The following BLOC1S6 variants were observed in gnomAD, a reference collection of about 807,000 sequenced individuals.
BLOC1S6 encodes biogenesis of lysosome-related organelles complex 1 subunit 6.
Under a neutral mutation model 24.7 loss-of-function variants are expected in BLOC1S6, and 24 were observed. The observed-to-expected ratio is 0.97, with a 90% confidence interval of 0.70 to 1.37. BLOC1S6 has a LOEUF of 1.37. Among genes scored for constraint, BLOC1S6 ranks in the 40% most tolerant of loss-of-function variants. BLOC1S6 has a pLI of 0.00. For synonymous variants in BLOC1S6, 76 were observed against 72.6 expected (o/e 1.05, Z -0.23); for missense variants, 175 against 196.2 (o/e 0.89, Z 0.64).
intron 2 of BLOC1S6, among the ~76,000 whole-genome samples, chr15:45,593,535 T>C (rs1479869324): frequency 6.6e-6 from 1 of 152,176 alleles, no homozygotes; most frequent in Non-Finnish European, 1.5e-5. Flanking sequence ...CCTTATATTT[T>C]GATGCCAATC....
intron 2 of BLOC1S6, among the ~76,000 whole-genome samples, chr15:45,595,513 GTATATTTTTGATATGAGTCCTTTA>G (rs1894039935): frequency 6.6e-6 from 1 of 152,036 alleles, no homozygotes; most frequent in South Asian, 2.1e-4. Context: ...AGAGTTCTTT[GTATATTTTTGATATGAGTCCTTTA>G]TGTGTTTTGC....
rs1390384536 is a variant in BLOC1S6 at position 45,607,991 on chromosome 15, T to G, written c.*1477T>G. The stretch of plus-strand genomic sequence containing the variant: ...TCATTGTTTAAAATCAAGAGTGTAT[T>G]GTTTACTGTTTTACAGTATTATTTA... On this transcript the variant is annotated 3_prime_UTR_variant, in exon 5 of 5. Coordinates refer to ENST00000220531, the MANE Select transcript of BLOC1S6 (RefSeq NM_012388.4). 1 of 152,592 alleles carries G rather than the reference T, an allele frequency of 6.6e-6. No individual in the cohort carries two copies. Among genetic ancestry groups the G allele is most frequent in the Non-Finnish European group, 1.5e-5 (1 of 68,044 alleles). The allele number at this position is 152,592 out of a possible 1,614,324, so 9.5% of individuals were successfully genotyped here. A position where few individuals can be genotyped will look rare whatever the true frequency, so the allele number is the denominator to read the frequency against.
At chr15:45,592,815 A>G (rs1042513020) in intron 2 of BLOC1S6, among the ~76,000 whole-genome samples, 4 of 152,206 alleles carry the variant, frequency 2.6e-5, no homozygotes, top group African/African-American at 9.7e-5. Context: ...ATACAAAAAC[A>G]TATACTCTGG....
chr15:45,590,193 C>CTA, intron 1 of BLOC1S6, among the ~76,000 whole-genome samples: 1 of 150,324 alleles, frequency 6.7e-6, no homozygotes, highest in East Asian at 1.9e-4. Flanking sequence ...CTCTCTCTCT[C>CTA]TATATTTTTT....
rs1422931750 is a variant in BLOC1S6, at chr15:45,607,458, A to G, written c.*944A>G. 6.6e-6 allele frequency: 1 copy of G among 152,186 alleles called. No homozygotes were observed. Among genetic ancestry groups the G allele is most frequent in the Non-Finnish European group, 1.5e-5 (1 of 68,048 alleles). The allele number at this position is 152,186 out of a possible 1,614,324, so 9.4% of individuals were successfully genotyped here. On this transcript the variant is annotated 3_prime_UTR_variant, in exon 5 of 5. Coordinates refer to ENST00000220531, the MANE Select transcript of BLOC1S6 (RefSeq NM_012388.4). The stretch of plus-strand genomic sequence containing the variant: ...AGTAACAGTTATCATACACTGAGAT[A>G]TAGTTTCTGTGCTTGTAAAAAATTC...
intron 2 of BLOC1S6, among the ~76,000 whole-genome samples, chr15:45,592,740 A>G (rs1893931494): frequency 2.0e-5 from 3 of 152,240 alleles, no homozygotes; most frequent in Non-Finnish European, 2.9e-5. Context: ...ACTAGTAAGT[A>G]AAGATTAGAG....
In BLOC1S6 at chr15:45,602,343, A is replaced by T. The variant is rs886538221; in HGVS notation, c.225-757A>T. 17 of 678,462 alleles carry T rather than the reference A, an allele frequency of 2.5e-5. No individual in the cohort carries two copies. The African/African-American group carries it at 2.9e-4, about 11-fold the overall frequency. 42.0% of individuals were successfully genotyped at this position (678,462 alleles called of 1,614,324 possible). A position where few individuals can be genotyped will look rare whatever the true frequency, so the allele number is the denominator to read the frequency against. On this transcript the variant is annotated intron_variant, in intron 2 of 4. Coordinates refer to ENST00000220531, the MANE Select transcript of BLOC1S6 (RefSeq NM_012388.4). ...GCACAGTTTTACAAGCAAATGACAT[A>T]TTTTTCTTTGTAGCATTCTTTAAAA...
At chr15:45,600,635 T>A (rs993649115) in intron 2 of BLOC1S6, among the ~76,000 whole-genome samples, 1 of 152,240 alleles carries the variant, frequency 6.6e-6, no homozygotes, top group Non-Finnish European at 1.5e-5. Flanking sequence ...GAACCAGCTT[T>A]GCGTATTTGG....
rs928594704 is a variant in BLOC1S6, at chr15:45,606,633, C to T, written c.*119C>T. ...ATGTCATATGTTGAAATCCTTATTCCGGTATTACTGTGTCTCCATGCCTTT... is the reference window on the plus strand; with the variant it reads ...ATGTCATATGTTGAAATCCTTATTCTGGTATTACTGTGTCTCCATGCCTTT... On this transcript the variant is annotated 3_prime_UTR_variant, in exon 5 of 5. Transcript: ENST00000220531. 28 of 1,411,772 alleles carry T rather than the reference C, an allele frequency of 2.0e-5. No individual in the cohort carries two copies. Among genetic ancestry groups the T allele is most frequent in the Admixed American group, 5.1e-5 (3 of 59,222 alleles). The allele number at this position is 1,411,772 out of a possible 1,614,324, so 87.5% of individuals were successfully genotyped here. A position where few individuals can be genotyped will look rare whatever the true frequency, so the allele number is the denominator to read the frequency against.
intron 2 of BLOC1S6, chr15:45,602,498 C>G (rs1894305763): frequency 1.9e-6 from 1 of 525,774 alleles, no homozygotes; most frequent in Admixed American, 3.5e-5. Context: ...TAATGAGAAA[C>G]ATTAGAAATT....
chr15:45,601,880 T>G, intron 2 of BLOC1S6, among the ~76,000 whole-genome samples: 1 of 152,050 alleles, frequency 6.6e-6, no homozygotes, highest in East Asian at 1.9e-4. Context: ...ATTTATTTAT[T>G]TATTTATTTA....
intron 1 of BLOC1S6, among the ~76,000 whole-genome samples, chr15:45,589,369 A>G (rs1014504611): frequency 1.3e-5 from 2 of 152,214 alleles, no homozygotes; most frequent in South Asian, 2.1e-4. Context: ...AAGAAGAAGT[A>G]TTTTTACTTT....
rs1472242073 is a variant in BLOC1S6 at position 45,607,886 on chromosome 15, C to T, written c.*1372C>T. 1.3e-5 allele frequency: 2 copies of T among 152,104 alleles called. No homozygotes were observed. Among genetic ancestry groups the T allele is most frequent in the African/African-American group, 2.4e-5 (1 of 41,422 alleles). The allele number at this position is 152,104 out of a possible 1,614,324, so 9.4% of individuals were successfully genotyped here. On this transcript the variant is annotated 3_prime_UTR_variant, in exon 5 of 5. Coordinates refer to ENST00000220531, the MANE Select transcript of BLOC1S6 (RefSeq NM_012388.4). ...GTAAATAGCTTCACAAAAGAGGCAG[C>T]GTGATACCTTTAGTGTTTTCTAGAA... is the stretch of plus-strand genomic sequence containing the variant.
intron 1 of BLOC1S6, among the ~76,000 whole-genome samples, chr15:45,588,503 C>G (rs773820384): frequency 5.2e-4 from 79 of 152,324 alleles, no homozygotes; most frequent in Admixed American, 1.2e-3. Context: ...TCTCTCTCTC[C>G]TTCCACCTCT....
chr15:45,602,398 C>T (rs1595558832), intron 2 of BLOC1S6: 3 of 665,756 alleles, frequency 4.5e-6, no homozygotes, highest in East Asian at 5.5e-5. Flanking sequence ...TTTAATGTCA[C>T]TTATTCCTGT....
chr15:45,592,991 T>G (rs1398507972), intron 2 of BLOC1S6, among the ~76,000 whole-genome samples: 1 of 152,138 alleles, frequency 6.6e-6, no homozygotes, highest in African/African-American at 2.4e-5. Context: ...TTTGAAAACT[T>G]ACTTAAGAGG....
Position 45,587,804 on chromosome 15 carries a change from A to G in BLOC1S6, c.82+279A>G, listed in dbSNP as rs772841770. On this transcript the variant is annotated intron_variant, in intron 1 of 4. Coordinates refer to ENST00000220531, the MANE Select transcript of BLOC1S6 (RefSeq NM_012388.4). ...GTTTATGTGTTGACTCCGGTACGTCATTGGTTATTTGTCATACGGCAGTGG... is the reference window on the plus strand; with the variant it reads ...GTTTATGTGTTGACTCCGGTACGTCGTTGGTTATTTGTCATACGGCAGTGG... 1.9e-4 allele frequency: 132 copies of G among 700,670 alleles called. No individual in the cohort carries two copies. The highest frequency in any genetic ancestry group is 3.2e-4 in the Non-Finnish European group (123 of 384,284). The allele number at this position is 700,670 out of a possible 1,614,324, so 43.4% of individuals were successfully genotyped here. A position where few individuals can be genotyped will look rare whatever the true frequency, so the allele number is the denominator to read the frequency against.
intron 1 of BLOC1S6, among the ~76,000 whole-genome samples, chr15:45,591,575 G>A (rs1893887142): frequency 6.6e-6 from 1 of 152,134 alleles, no homozygotes; most frequent in South Asian, 2.1e-4. Flanking sequence ...TGGGACCACA[G>A]GTGTGTGCCA....
intron 1 of BLOC1S6, among the ~76,000 whole-genome samples, chr15:45,588,065 C>T (rs1485403633): frequency 6.6e-6 from 1 of 152,138 alleles, no homozygotes; most frequent in East Asian, 1.9e-4. Flanking sequence ...ATTTATGTAC[C>T]ATCCTTGGGA....
Sources: allele counts gnomAD v4.1 joint callset (sites outside exome capture counted in the v4.1 genomes callset), GRCh38; gene constraint gnomAD v4.1.1; transcripts MANE v1.5; gene names NCBI Gene and HGNC (gene_info 2026-07-23, HGNC 2026-07-21).